The following SEPTIN9 variants were observed in gnomAD, a reference collection of about 807,000 sequenced individuals.
The protein encoded by SEPTIN9 is septin-9.
Under a neutral mutation model 56.6 loss-of-function variants are expected in SEPTIN9, and 13 were observed. The ratio of observed to expected loss-of-function variants is 0.23; its 90% CI spans 0.15 to 0.37. The LOEUF (loss-of-function observed/expected upper bound fraction) is 0.37, where lower values mean the gene tolerates loss of function less well. SEPTIN9 is among the 10% of genes least tolerant of loss of function. The pLI, the probability that SEPTIN9 is intolerant of heterozygous loss-of-function variation, is 1.00. For missense variants in SEPTIN9, 650 were observed against 823.1 expected (o/e 0.79, Z 2.57); for synonymous variants, 332 against 334.1 (o/e 0.99, Z 0.07).
At chr17:77,428,905 G>T (rs1045741305) in intron 3 of SEPTIN9, 6 of 422,186 alleles carry the variant, frequency 1.4e-5, no homozygotes, top group Non-Finnish European at 3.0e-5. Flanking sequence ...TATGTAAATT[G>T]GGGACAAATT....
chr17:77,334,121 T>C (rs926598729), intron 2 of SEPTIN9, among the ~76,000 whole-genome samples: 1 of 151,758 alleles, frequency 6.6e-6, no homozygotes, highest in Non-Finnish European at 1.5e-5. Flanking sequence ...TCCCCATGGG[T>C]CTCATTTAAA....
intron 4 of SEPTIN9, among the ~76,000 whole-genome samples, chr17:77,485,450 G>A (rs2039736976): frequency 2.0e-5 from 3 of 151,686 alleles, no homozygotes; most frequent in Admixed American, 2.0e-4. Flanking sequence ...CGGAAGTGGT[G>A]ATGATGGCGG....
At chr17:77,332,574 T>G (rs1259614187) in intron 2 of SEPTIN9, among the ~76,000 whole-genome samples, 1 of 152,228 alleles carries the variant, frequency 6.6e-6, no homozygotes, top group Non-Finnish European at 1.5e-5. Flanking sequence ...TGCACAGGTG[T>G]GAAACGTTCC....
At chr17:77,470,535 C>T (rs2038951451) in intron 3 of SEPTIN9, among the ~76,000 whole-genome samples, 1 of 152,168 alleles carries the variant, frequency 6.6e-6, no homozygotes, top group South Asian at 2.1e-4. Flanking sequence ...TCTATCCACT[C>T]ATCCACCAAT....
intron 3 of SEPTIN9, among the ~76,000 whole-genome samples, chr17:77,463,306 C>T (rs1325702327): frequency 2.6e-5 from 4 of 152,134 alleles, no homozygotes; most frequent in African/African-American, 9.7e-5. Flanking sequence ...GTGAGGCCCA[C>T]CCCCATCAGA....
In SEPTIN9 at chr17:77,405,132, G is replaced by A; in HGVS notation, c.721+2429G>A. The A allele has an allele frequency of 1.3e-6, 2 of 1,535,036 alleles. No homozygotes were observed. The highest frequency in any genetic ancestry group is 1.7e-6 in the Non-Finnish European group (2 of 1,146,382). On this transcript the variant is annotated intron_variant, in intron 3 of 11. Transcript: ENST00000427177. This position sits in a 1 kb window ranked among gnomAD's most constrained non-coding sequence, Gnocchi z 5.8. ...TGCACAGGGACGTGGTCCTGGCTCT[G>A]GGGGACAGGTAGGGGGATGTCCATG...
chr17:77,355,917 G>C (rs2034218901), intron 2 of SEPTIN9, among the ~76,000 whole-genome samples: 1 of 149,036 alleles, frequency 6.7e-6, no homozygotes, highest in Non-Finnish European at 1.5e-5. Context: ...AGGAGGCGGA[G>C]CTTGCAGTGA....
At chr17:77,328,626 A>T (rs1000625031) in intron 2 of SEPTIN9, among the ~76,000 whole-genome samples, 24 of 152,190 alleles carry the variant, frequency 1.6e-4, no homozygotes, top group African/African-American at 5.8e-4. Context: ...TTGGCCTCCC[A>T]AAGTGCTGGG....
chr17:77,347,238 C>T (rs948854330), intron 2 of SEPTIN9, among the ~76,000 whole-genome samples: 46 of 152,016 alleles, frequency 3.0e-4, no homozygotes, highest in African/African-American at 6.3e-4. Flanking sequence ...ATTAGCTGGG[C>T]GTGGTGGCAG....
chr17:77,356,188 A>T (rs768903936), intron 2 of SEPTIN9, among the ~76,000 whole-genome samples: 1 of 152,116 alleles, frequency 6.6e-6, no homozygotes, highest in Non-Finnish European at 1.5e-5. Context: ...TCTCAGCCTC[A>T]TTCATTTCTC....
chr17:77,356,124 G>C (rs576733235), intron 2 of SEPTIN9, among the ~76,000 whole-genome samples: 2 of 152,186 alleles, frequency 1.3e-5, no homozygotes, highest in Non-Finnish European at 2.9e-5. Flanking sequence ...GCCCTCTCAG[G>C]TGACCAATCA....
chr17:77,380,226 C>G (rs1001246308), intron 2 of SEPTIN9: 1 of 164,498 alleles, frequency 6.1e-6, no homozygotes, highest in Non-Finnish European at 1.3e-5. Flanking sequence ...AAGATGACCT[C>G]GATGTCAGCC....
rs1053488050 is a variant in SEPTIN9 at position 77,367,454 on chromosome 17, G to A, written c.77-34605G>A. ...ATTGCACAGGATCGAACAGGTGTGT[G>A]TGGAGTCCCTAAAGCCACTGTCTCA... On this transcript the variant is annotated intron_variant, in intron 2 of 11. Coordinates refer to ENST00000427177, the MANE Select transcript of SEPTIN9 (RefSeq NM_001113491.2). This position sits in a 1 kb window ranked among gnomAD's most constrained non-coding sequence, Gnocchi z 4.5. Among the ~76,000 whole-genome samples, 4 of 152,200 alleles carry A rather than the reference G, an allele frequency of 2.6e-5. No homozygotes were observed. Among genetic ancestry groups the A allele is most frequent in the Admixed American group, 6.5e-5 (1 of 15,278 alleles).
At chr17:77,368,003 T>C (rs1175310655) in intron 2 of SEPTIN9, among the ~76,000 whole-genome samples, 1 of 152,244 alleles carries the variant, frequency 6.6e-6, no homozygotes, top group African/African-American at 2.4e-5. Context: ...GGAACGGAAT[T>C]CTGTCACTAC....
Position 77,475,576 on chromosome 17 carries a change from T to C in SEPTIN9, c.722-6568T>C. ...GGCCGTAGGGCTGCCGCAGGGGTGC[T>C]GGCCCCAGGGTCTGGATTCAGGGGA... On this transcript the variant is annotated intron_variant, in intron 3 of 11. Transcript: ENST00000427177. This position sits in a 1 kb window ranked among gnomAD's most constrained non-coding sequence, Gnocchi z 4.6. The C allele has an allele frequency of 2.5e-5, 40 of 1,613,460 alleles. No homozygotes were observed. The highest frequency in any genetic ancestry group is 3.3e-5 in the Non-Finnish European group (39 of 1,179,836).
chr17:77,492,897 T>G lies in SEPTIN9; in HGVS notation c.1477-83T>G. 7.3e-7 allele frequency: 1 copy of G among 1,370,454 alleles called. No individual in the cohort carries two copies. The highest frequency in any genetic ancestry group is 1.9e-5 in the Admixed American group (1 of 51,402). The allele number at this position is 1,370,454 out of a possible 1,614,324, so 84.9% of individuals were successfully genotyped here. A position where few individuals can be genotyped will look rare whatever the true frequency, so the allele number is the denominator to read the frequency against. ...CTCTCGTTTTTGGGGGACCCCAGGC[T>G]CAGGGCAGCTCCTCCCGGGGGCCCA... On this transcript the variant is annotated intron_variant, in intron 9 of 11. Transcript: ENST00000427177. This position sits in a 1 kb window ranked among gnomAD's most constrained non-coding sequence, Gnocchi z 5.4.
At chr17:77,387,902 C>T (rs1174315965) in intron 2 of SEPTIN9, among the ~76,000 whole-genome samples, 3 of 150,074 alleles carry the variant, frequency 2.0e-5, no homozygotes, top group African/African-American at 4.9e-5. Flanking sequence ...CCCCTTCCCG[C>T]CCCCCTTCAC....
At position 77,387,361 on chromosome 17, in the gene SEPTIN9, G is replaced by A. The variant is rs532044380; in HGVS notation, c.77-14698G>A. Reference sequence around the variant, plus strand: ...AAGGATGCTTGTCATTGCATTTAGAGCCCACCCTAAATCCAGGATACTCTC... The same window carrying A: ...AAGGATGCTTGTCATTGCATTTAGAACCCACCCTAAATCCAGGATACTCTC... On this transcript the variant is annotated intron_variant, in intron 2 of 11. Transcript: ENST00000427177. Among the ~76,000 whole-genome samples the A allele has an allele frequency of 1.7e-3, 257 of 152,258 alleles. 1 individual carries two copies. The highest frequency in any genetic ancestry group is 2.6e-3 in the Non-Finnish European group (179 of 68,020).
At chr17:77,355,592 G>T (rs889624643) in intron 2 of SEPTIN9, among the ~76,000 whole-genome samples, 12 of 152,142 alleles carry the variant, frequency 7.9e-5, no homozygotes, top group African/African-American at 2.7e-4. Context: ...GCTTCTTGGT[G>T]GGTGGAGACC....
Sources: allele counts gnomAD v4.1 joint callset (sites outside exome capture counted in the v4.1 genomes callset), GRCh38; gene constraint gnomAD v4.1.1; non-coding constraint Gnocchi (gnomAD v3.1); transcripts MANE v1.5; gene names NCBI Gene and HGNC (gene_info 2026-07-23, HGNC 2026-07-21).